C10orf105: variants seen among roughly 807,000 people sequenced by gnomAD.
The protein encoded by C10orf105 is uncharacterized protein C10orf105.
C10orf105 carries 2 observed loss-of-function variants against 0.6 expected under a neutral mutation model. That is an observed-to-expected ratio of 3.18 (90% CI 1.30 to 10.01). The LOEUF is 10.01. Among genes scored for constraint, C10orf105 ranks in the 30% most tolerant of loss-of-function variants. C10orf105 has a pLI of 0.04. For synonymous variants in C10orf105, 95 were observed against 82.4 expected, an observed-to-expected ratio of 1.15 and a Z score of -0.83; for missense variants, 209 against 191.4, an observed-to-expected ratio of 1.09 and a Z score of -0.54.
chr10:71,732,399 A>G (rs1839422675), intron 1 of C10orf105: 2 of 1,552,748 alleles, frequency 1.3e-6, no homozygotes. Flanking sequence ...GGCAGGGAGC[A>G]CCATTTCTTC....
At chr10:71,732,843 C>G in intron 1 of C10orf105, 1 of 333,908 alleles carries the variant, frequency 3.0e-6, no homozygotes, top group South Asian at 8.0e-5. Context: ...ATCTGACTCT[C>G]TTGACACCAG....
At chr10:71,725,581 C>A (rs1020221967) in intron 1 of C10orf105, 148 of 1,549,768 alleles carry the variant, frequency 9.5e-5, no homozygotes, top group Non-Finnish European at 1.3e-4. Context: ...ACAGCTAGAA[C>A]AGAGAAGGCC....
intron 1 of C10orf105, among the ~76,000 whole-genome samples, chr10:71,725,096 C>A (rs1866745588): frequency 6.6e-6 from 1 of 152,190 alleles, no homozygotes; most frequent in Admixed American, 6.5e-5. Flanking sequence ...GGAGCCCCAC[C>A]TGCTGGGGAC....
At chr10:71,717,149 T>C (rs1314356252) in intron 1 of C10orf105, 1 of 152,234 alleles carries the variant, frequency 6.6e-6, no homozygotes, top group Non-Finnish European at 1.5e-5. Flanking sequence ...GATTTGGCAT[T>C]AGGGAGCCAG....
rs528840143 is a variant in C10orf105, at chr10:71,725,191, C to G, written c.-5-8849G>C. Reference sequence around the variant, plus strand: ...AACGCATTGGGGATGGCCTGTCTGCCTTGCCCCACCTCACAGAGTCCTCCA... The same window carrying G: ...AACGCATTGGGGATGGCCTGTCTGCGTTGCCCCACCTCACAGAGTCCTCCA... On this transcript the variant is annotated intron_variant, in intron 1 of 1. Transcript: ENST00000398786. 2.0e-5 allele frequency among the ~76,000 whole-genome samples: 3 copies of G among 152,326 alleles called. No homozygotes were observed. In the East Asian group the frequency reaches 5.8e-4, roughly 29 times the overall value.
In C10orf105 at chr10:71,712,893, G is replaced by T. The variant is rs1866038414; in HGVS notation, c.*3043C>A. On this transcript the variant is annotated 3_prime_UTR_variant, in exon 2 of 2. Transcript: ENST00000441508. ...ACACGGCCCTGAGGGCACATGCTCA[G>T]TGGCACCAGAGGCGGAAGCAGGTGG... is the stretch of plus-strand genomic sequence containing the variant. 1 of 1,524,430 alleles carries T rather than the reference G, an allele frequency of 6.6e-7. No homozygotes were observed. Among genetic ancestry groups the T allele is most frequent in the East Asian group, 2.4e-5 (1 of 42,120 alleles). The allele number at this position is 1,524,430 out of a possible 1,614,324, so 94.4% of individuals were successfully genotyped here. A position where few individuals can be genotyped will look rare whatever the true frequency, so the allele number is the denominator to read the frequency against.
At chr10:71,719,126 T>C (rs554990572) in intron 1 of C10orf105, among the ~76,000 whole-genome samples, 1 of 152,090 alleles carries the variant, frequency 6.6e-6, no homozygotes, top group African/African-American at 2.4e-5. Flanking sequence ...AATTAGCATC[T>C]GAGTAGTTCC....
At position 71,732,141 on chromosome 10, in the gene C10orf105, G is replaced by A. The variant is rs756552221; in HGVS notation, c.-6+5587C>T. The A allele has an allele frequency of 6.2e-6, 10 of 1,613,896 alleles. No homozygotes were observed. Among genetic ancestry groups the A allele is most frequent in the African/African-American group, 2.7e-5 (2 of 74,930 alleles). On this transcript the variant is annotated intron_variant, in intron 1 of 1. Coordinates refer to the C10orf105 transcript ENST00000398786. ...ATGTGTCGGCCACTGACCAGGCCCC[G>A]CCCTTCAACCAGGGCTTCTGCAGCG...
intron 1 of C10orf105, among the ~76,000 whole-genome samples, chr10:71,726,269 AG>A (rs1470109037): frequency 2.0e-5 from 3 of 151,970 alleles, no homozygotes; most frequent in Non-Finnish European, 4.4e-5. Context: ...CAGGAGTAGG[AG>A]GGAGATGGGA....
intron 1 of C10orf105, among the ~76,000 whole-genome samples, chr10:71,730,226 C>T (rs555897845): frequency 3.3e-5 from 5 of 152,198 alleles, no homozygotes; most frequent in African/African-American, 1.2e-4. Context: ...CAGCATTAGT[C>T]AAAAAGCCAA....
rs370568889 is a variant in C10orf105, at chr10:71,713,478, C to T, written c.*2458G>A. On this transcript the variant is annotated 3_prime_UTR_variant, in exon 2 of 2. Coordinates refer to ENST00000441508, the MANE Select transcript of C10orf105 (RefSeq NM_001164375.3). Reference sequence around the variant, plus strand: ...GGGCCTGCCCACTGGGGCAGGCTCCCGGGCTTGGGAGGGACAGAAGCGTGG... The same window carrying T: ...GGGCCTGCCCACTGGGGCAGGCTCCTGGGCTTGGGAGGGACAGAAGCGTGG... The T allele has an allele frequency of 6.9e-6, 4 of 577,676 alleles. No individual in the cohort carries two copies. The highest frequency in any genetic ancestry group is 3.1e-5 in the Admixed American group (1 of 32,632). The allele number at this position is 577,676 out of a possible 1,614,324, so 35.8% of individuals were successfully genotyped here.
intron 1 of C10orf105, among the ~76,000 whole-genome samples, chr10:71,718,276 G>T (rs1161338206): frequency 1.3e-5 from 2 of 152,190 alleles, no homozygotes; most frequent in East Asian, 3.8e-4. Flanking sequence ...CCCTACCCCA[G>T]GCACTCACCA....
At chr10:71,736,893 G>A (rs1412914175) in intron 1 of C10orf105, among the ~76,000 whole-genome samples, 1 of 152,200 alleles carries the variant, frequency 6.6e-6, no homozygotes, top group African/African-American at 2.4e-5. Flanking sequence ...AACTAGAAGA[G>A]GGCTTCCCTG....
At position 71,731,958 on chromosome 10, in the gene C10orf105, G is replaced by A. The variant is rs370034203; in HGVS notation, c.-6+5770C>T. 1.2e-5 allele frequency: 19 copies of A among 1,604,368 alleles called. No individual in the cohort carries two copies. The African/African-American group carries it at 1.3e-4, about 11-fold the overall frequency. On this transcript the variant is annotated intron_variant, in intron 1 of 1. Coordinates refer to the C10orf105 transcript ENST00000398786. ...CGCAGCCCCACTCAGTTCTATCTGG[G>A]ACTGCACAGCCTCTGTGTCCTCCTA... is the stretch of plus-strand genomic sequence containing the variant.
At position 71,714,502 on chromosome 10, in the gene C10orf105, T is replaced by C. The variant is rs1260997262; in HGVS notation, c.*1434A>G. The C allele has an allele frequency of 2.6e-5, 4 of 152,068 alleles. No homozygotes were observed. Among genetic ancestry groups the C allele is most frequent in the Non-Finnish European group, 4.4e-5 (3 of 68,004 alleles). 9.4% of individuals were successfully genotyped at this position (152,068 alleles called of 1,614,324 possible). A position where few individuals can be genotyped will look rare whatever the true frequency, so the allele number is the denominator to read the frequency against. ...CCTCCCCAAGAGAGGTAGGAGACAG[T>C]AGGGGCGGCTCCAGGCAGGAGGGCT... On this transcript the variant is annotated 3_prime_UTR_variant, in exon 2 of 2. Transcript: ENST00000441508.
intron 1 of C10orf105, chr10:71,717,176 G>T (rs917256800): frequency 6.6e-6 from 1 of 152,298 alleles, no homozygotes; most frequent in African/African-American, 2.4e-5. Flanking sequence ...TTTTAGAGGT[G>T]GGGAGTGACA....
rs939796448 is a variant in C10orf105 at position 71,715,267 on chromosome 10, CG to C, written c.*668del. On this transcript the variant is annotated 3_prime_UTR_variant, in exon 2 of 2. Transcript: ENST00000441508. ...TCAATCCCTTCCTGATTGATCCCAA[CG>C]TGGGTGCCCTGAAGAGGGGCCACCA... 19 of 152,274 alleles carry C rather than the reference CG, an allele frequency of 1.2e-4. No individual in the cohort carries two copies. The highest frequency in any genetic ancestry group is 7.8e-4 in the Admixed American group (12 of 15,288). The allele number at this position is 152,274 out of a possible 1,614,324, so 9.4% of individuals were successfully genotyped here.
In C10orf105 at chr10:71,730,574, A is replaced by T. The variant is rs775842667; in HGVS notation, c.-6+7154T>A. 5.6e-6 allele frequency: 9 copies of T among 1,613,896 alleles called. No homozygotes were observed. Among genetic ancestry groups the T allele is most frequent in the Non-Finnish European group, 7.6e-6 (9 of 1,179,890 alleles). On this transcript the variant is annotated intron_variant, in intron 1 of 1. Transcript: ENST00000398786. ...GACCGCAGGCATTGGAACGTCAGTC[A>T]TCGTGGTCCAAGCCACAGACCGAGA... is the stretch of plus-strand genomic sequence containing the variant.
chr10:71,732,168 C>A, intron 1 of C10orf105: 2 of 1,614,000 alleles, frequency 1.2e-6, no homozygotes, highest in Non-Finnish European at 1.7e-6. Context: ...TCTGCAGCGT[C>A]TACATCACTC....
Sources: gnomAD v4.1 joint callset for allele counts (sites outside exome capture counted in the v4.1 genomes callset) on GRCh38, gnomAD v4.1.1 for gene constraint, MANE v1.5 for transcripts, NCBI Gene and HGNC (gene_info 2026-07-23, HGNC 2026-07-21) for gene names.